The following GRAMD2B variants were observed in gnomAD, a reference collection of about 807,000 sequenced individuals.
The protein encoded by GRAMD2B is GRAM domain containing 2B, also known as GRAM domain-containing protein 2B.
In GRAMD2B, 41 loss-of-function variants were observed where a neutral mutation model predicts 59.2. The ratio of observed to expected loss-of-function variants is 0.69; its 90% CI spans 0.54 to 0.90. The LOEUF is 0.90. GRAMD2B is among the 40% of genes least tolerant of loss of function. GRAMD2B has a pLI of 0.00. For missense variants in GRAMD2B, 424 were observed against 500.5 expected (o/e 0.85, Z 1.46); for synonymous variants, 161 against 182.7 (o/e 0.88, Z 0.96).
intron 1 of GRAMD2B, among the ~76,000 whole-genome samples, chr5:126,414,051 A>G (rs1219929678): frequency 1.3e-5 from 2 of 152,092 alleles, no homozygotes; most frequent in African/African-American, 4.8e-5. Flanking sequence ...TAGCTCAAAC[A>G]AGGAGAGTTG....
chr5:126,425,509 A>G (rs1760461563), intron 1 of GRAMD2B, among the ~76,000 whole-genome samples: 2 of 152,204 alleles, frequency 1.3e-5, no homozygotes, highest in South Asian at 2.1e-4. Flanking sequence ...GCTCATGCCC[A>G]TAATCCCAAC....
intron 1 of GRAMD2B, among the ~76,000 whole-genome samples, chr5:126,450,383 T>TTCTC (rs138947465): frequency 3.3e-5 from 5 of 151,336 alleles, no homozygotes; most frequent in Non-Finnish European, 7.4e-5. Context: ...GCATAATATA[T>TTCTC]TCTCTCTCTC....
intron 13 of GRAMD2B, among the ~76,000 whole-genome samples, chr5:126,490,607 T>A (rs556848279): frequency 6.6e-6 from 1 of 152,262 alleles, no homozygotes; most frequent in South Asian, 2.1e-4. Flanking sequence ...CTCAAAAGAA[T>A]CTAAGTATTA....
chr5:126,389,421 G>GA (rs1208501378), intron 1 of GRAMD2B, among the ~76,000 whole-genome samples: 1 of 152,130 alleles, frequency 6.6e-6, no homozygotes, highest in African/African-American at 2.4e-5. Context: ...CTTGCTTCTA[G>GA]ATCACCTCCT....
chr5:126,455,118 T>A (rs956617926), intron 1 of GRAMD2B, among the ~76,000 whole-genome samples: 23 of 152,274 alleles, frequency 1.5e-4, no homozygotes, highest in African/African-American at 5.3e-4. Flanking sequence ...GGATTTTCCC[T>A]CCAACGCAGT....
At chr5:126,465,125 TCTG>T (rs1768063687) in intron 1 of GRAMD2B, 1 of 1,218,950 alleles carries the variant, frequency 8.2e-7, no homozygotes, top group South Asian at 2.3e-5. Flanking sequence ...CTCCAGGTGA[TCTG>T]CTGCCCCAGC....
At chr5:126,362,334 A>G (rs1213458546) in intron 1 of GRAMD2B, among the ~76,000 whole-genome samples, 2 of 152,208 alleles carry the variant, frequency 1.3e-5, no homozygotes, top group African/African-American at 4.8e-5. Context: ...CAACAGCAAC[A>G]TAGATACAAA....
At chr5:126,453,112 A>C (rs934300962) in intron 1 of GRAMD2B, among the ~76,000 whole-genome samples, 1 of 152,226 alleles carries the variant, frequency 6.6e-6, no homozygotes, top group African/African-American at 2.4e-5. Context: ...AGGTGGGCAG[A>C]TCACCTGAGG....
chr5:126,390,462 T>C (rs1756628911), intron 1 of GRAMD2B, among the ~76,000 whole-genome samples: 1 of 152,258 alleles, frequency 6.6e-6, no homozygotes, highest in Non-Finnish European at 1.5e-5. Flanking sequence ...CACATCATGA[T>C]GAAATGTTCA....
At chr5:126,450,536 T>G (rs1259789270) in intron 1 of GRAMD2B, among the ~76,000 whole-genome samples, 9 of 152,034 alleles carry the variant, frequency 5.9e-5, no homozygotes. Flanking sequence ...TGCCTCACTC[T>G]GGGTTATCAT....
At chr5:126,388,812 T>G (rs1026521920) in intron 1 of GRAMD2B, among the ~76,000 whole-genome samples, 1 of 151,996 alleles carries the variant, frequency 6.6e-6, no homozygotes, top group Non-Finnish European at 1.5e-5. Context: ...TATACCACAT[T>G]TGGGGGGTTT....
chr5:126,437,569 G>A (rs1762611847), intron 1 of GRAMD2B, among the ~76,000 whole-genome samples: 1 of 152,158 alleles, frequency 6.6e-6, no homozygotes, highest in South Asian at 2.1e-4. Context: ...GAGAGAACCT[G>A]AGAATGATTC....
At chr5:126,446,532 T>G (rs76687196) in intron 1 of GRAMD2B, among the ~76,000 whole-genome samples, 6,193 of 152,030 alleles carry the variant, frequency 0.041, 184 homozygotes, top group Non-Finnish European at 0.063. Flanking sequence ...CGTGACTGAT[T>G]TTAAAACATT....
chr5:126,450,819 A>G (rs1765217604), intron 1 of GRAMD2B, among the ~76,000 whole-genome samples: 1 of 152,210 alleles, frequency 6.6e-6, no homozygotes, highest in Non-Finnish European at 1.5e-5. Flanking sequence ...GACACACAGA[A>G]TGCAAGAGTG....
chr5:126,471,019 AC>A (rs1219378104), intron 3 of GRAMD2B, among the ~76,000 whole-genome samples: 1 of 152,180 alleles, frequency 6.6e-6, no homozygotes, highest in Non-Finnish European at 1.5e-5. Flanking sequence ...GCCATAGAAC[AC>A]CTAGCTTTAA....
chr5:126,469,768 A>T lies in GRAMD2B; in HGVS notation c.295A>T (p.Lys99Ter), dbSNP rs781589000. Residue 99 changes from lysine (K) to a stop codon, truncating the protein, a stop_gained, in exon 3 of 14, where the codon AAG (lysine) becomes TAG (stop). Coordinates refer to ENST00000285689, the MANE Select transcript of GRAMD2B (RefSeq NM_023927.4). LOFTEE classifies it high-confidence loss of function. ...AAATGACCCTAAGACTGAAAGAAAAAAGTCTTCATCTTCCAGCCAGGTAAT... is the reference window on the plus strand; with the variant it reads ...AAATGACCCTAAGACTGAAAGAAAATAGTCTTCATCTTCCAGCCAGGTAAT... Reference protein sequence around the residue: ...SKNDPKTERKKSSSSSQYKAN... With the variant: ...SKNDPKTERK The T allele has an allele frequency of 6.2e-7, 1 of 1,611,850 alleles. No homozygotes were observed. Among genetic ancestry groups the T allele is most frequent in the South Asian group, 1.1e-5 (1 of 90,926 alleles).
rs930960414 is a variant in GRAMD2B, at chr5:126,439,328, C to CTTTTTTTTTT, written c.83+15647_83+15656dup. Among the ~76,000 whole-genome samples, 3 of 122,570 alleles carry CTTTTTTTTTT rather than the reference C, an allele frequency of 2.4e-5. 1 individual carries two copies. Among genetic ancestry groups the CTTTTTTTTTT allele is most frequent in the African/African-American group, 1.0e-4 (3 of 29,230 alleles). 80.4% of individuals were successfully genotyped at this position (122,570 alleles called of 152,430 possible). On this transcript the variant is annotated intron_variant, in intron 1 of 13. Coordinates refer to ENST00000285689, the MANE Select transcript of GRAMD2B (RefSeq NM_023927.4). ...ATTGTTTCTTTGTTTTTTGGTTTTG[C>CTTTTTTTTTT]TTTTTTTTTTTTTTTTTGGAGACAG...
chr5:126,488,994 G>T (rs79826845), intron 13 of GRAMD2B, 102 bp downstream of exon 13: 6 of 666,170 alleles, frequency 9.0e-6, no homozygotes, highest in Non-Finnish European at 1.6e-5. Context: ...TTAGTGTGCC[G>T]CAATAAACCT....
At position 126,383,152 on chromosome 5, in the gene GRAMD2B, A is replaced by G. The variant is rs1198504111; in HGVS notation, c.125+11585A>G. ...TTTTTTAAATGAAGTTTTAAATTTCATGGACATTTATTTTGGATGAATTTA... is the reference window on the plus strand; with the variant it reads ...TTTTTTAAATGAAGTTTTAAATTTCGTGGACATTTATTTTGGATGAATTTA... On this transcript the variant is annotated intron_variant, in intron 1 of 8. Transcript: ENST00000506445. Among the ~76,000 whole-genome samples the G allele has an allele frequency of 2.0e-5, 3 of 152,224 alleles. No individual in the cohort carries two copies. In the East Asian group the frequency reaches 5.8e-4, roughly 29 times the overall value.
Sources: gnomAD v4.1 joint callset for allele counts (sites outside exome capture counted in the v4.1 genomes callset) on GRCh38, gnomAD v4.1.1 for gene constraint, MANE v1.5 for transcripts, NCBI Gene and HGNC (gene_info 2026-07-23, HGNC 2026-07-21) for gene names.